Variants in SOAT2 observed in about 807,000 individuals in gnomAD.
The protein encoded by SOAT2 is ACAT-2.
Under a neutral mutation model 76.0 loss-of-function variants are expected in SOAT2, and 87 were observed. The observed-to-expected ratio is 1.14, with a 90% CI of 0.96 to 1.37. The LOEUF (loss-of-function observed/expected upper bound fraction) is 1.37. Ranked by LOEUF, SOAT2 falls within the 40% of genes most tolerant of loss-of-function variation. The pLI, the probability that SOAT2 is intolerant of heterozygous loss-of-function variation, is 0.00. For missense variants in SOAT2, 686 were observed against 682.1 expected, an observed-to-expected ratio of 1.01 and a Z score of -0.06; for synonymous variants, 285 against 275.4, an observed-to-expected ratio of 1.03 and a Z score of -0.34.
chr12:53,106,633 G>A (rs1055386339), intron 5 of SOAT2, among the ~76,000 whole-genome samples: 1 of 152,252 alleles, frequency 6.6e-6, no homozygotes, highest in Non-Finnish European at 1.5e-5. Flanking sequence ...CAGATGAACT[G>A]GGGAGGAAGT....
chr12:53,120,727 G>T, intron 10 of SOAT2, 59 bp from the exon 11 acceptor site: 1 of 1,232,614 alleles, frequency 8.1e-7, no homozygotes, highest in South Asian at 1.2e-5. Context: ...CCAGATCAGG[G>T]CTGCCTGTGG....
intron 7 of SOAT2, among the ~76,000 whole-genome samples, chr12:53,117,194 C>T (rs1938117668): frequency 6.6e-6 from 1 of 151,558 alleles, no homozygotes; most frequent in Non-Finnish European, 1.5e-5. Flanking sequence ...CTCCTGACCT[C>T]CAGTGATCCA....
intron 5 of SOAT2, among the ~76,000 whole-genome samples, chr12:53,113,836 CTT>C (rs1938059707): frequency 6.6e-6 from 1 of 152,156 alleles, no homozygotes; most frequent in African/African-American, 2.4e-5. Context: ...AGTAAGTTTA[CTT>C]AATCTAAATG....
intron 5 of SOAT2, among the ~76,000 whole-genome samples, chr12:53,107,163 C>T (rs11170417): frequency 0.19 from 28,269 of 151,924 alleles, 3,316 homozygotes; most frequent in African/African-American, 0.34. Flanking sequence ...TTTTATCATG[C>T]ATGGATATTT....
In SOAT2 at chr12:53,120,832, G is replaced by A. The variant is rs1592279881; in HGVS notation, c.1086G>A (p.Trp362Ter). Residue 362 changes from tryptophan (W) to a stop codon, truncating the protein, a stop_gained, in exon 11 of 15, where the codon TGG becomes TGA. Coordinates refer to ENST00000301466, the MANE Select transcript of SOAT2 (RefSeq NM_003578.4). LOFTEE classifies it high-confidence loss of function. Reference protein sequence around the residue: ...LLIFFAFLHCWLNAFAEMLRF... With the variant: ...LLIFFAFLHC ...TCTTCTTTGCCTTCCTCCATTGCTG[G>A]CTCAACGCCTTTGCCGAGATGCTAC... is the stretch of plus-strand genomic sequence containing the variant. 6.2e-7 allele frequency: 1 copy of A among 1,614,026 alleles called. No homozygotes were observed. Among genetic ancestry groups the A allele is most frequent in the Non-Finnish European group, 8.5e-7 (1 of 1,179,982 alleles).
intron 5 of SOAT2, among the ~76,000 whole-genome samples, chr12:53,110,840 G>A (rs1014938349): frequency 2.0e-5 from 3 of 151,840 alleles, no homozygotes; most frequent in Non-Finnish European, 4.4e-5. Flanking sequence ...CTTTAAAATT[G>A]TCTTTATTTT....
At chr12:53,111,716 G>A (rs1938014746) in intron 5 of SOAT2, among the ~76,000 whole-genome samples, 1 of 152,090 alleles carries the variant, frequency 6.6e-6, no homozygotes, top group African/African-American at 2.4e-5. Context: ...ATGTATGCTG[G>A]CAACTCTTAA....
chr12:53,118,497 C>A, intron 8 of SOAT2, 63 bp downstream of exon 8: 1 of 1,240,708 alleles, frequency 8.1e-7, no homozygotes, highest in Non-Finnish European at 1.2e-6. Context: ...CTTCTACTCT[C>A]CCCTCCCTGA....
intron 5 of SOAT2, among the ~76,000 whole-genome samples, chr12:53,114,531 G>A (rs970458756): frequency 6.6e-6 from 1 of 151,848 alleles, no homozygotes; most frequent in African/African-American, 2.4e-5. Flanking sequence ...GACCAGTCTG[G>A]CCAATATGGT....
intron 10 of SOAT2, 110 bp from the exon 11 acceptor site, chr12:53,120,676 A>T: frequency 1.4e-6 from 1 of 723,696 alleles, no homozygotes; most frequent in Non-Finnish European, 2.4e-6. Context: ...ATGAATGGTA[A>T]GAGTTGGGGC....
At chr12:53,105,055 A>G in intron 2 of SOAT2, 52 bp from the exon 3 acceptor site, 1 of 1,541,166 alleles carries the variant, frequency 6.5e-7, no homozygotes, top group Non-Finnish European at 8.8e-7. Flanking sequence ...TGGTGAATGA[A>G]AGGATGGCTG....
Position 53,115,610 on chromosome 12 carries a change from C to T in SOAT2, c.664C>T (p.His222Tyr). The T allele has an allele frequency of 5.8e-6, 9 of 1,564,208 alleles. No individual in the cohort carries two copies. Among genetic ancestry groups the T allele is most frequent in the Non-Finnish European group, 7.7e-6 (9 of 1,161,590 alleles). The part of the protein sequence containing the change: ...CALPVHVAVE[H>Y]QLPPASRCVL... Reference sequence around the variant, plus strand: ...GCTGCCGGTCCACGTGGCCGTGGAGCATCAGCTCCCGCCGGCCTCCCGTTG... The same window carrying T: ...GCTGCCGGTCCACGTGGCCGTGGAGTATCAGCTCCCGCCGGCCTCCCGTTG... Residue 222 changes from histidine to tyrosine, a missense_variant, in exon 6 of 15, where the codon CAT becomes TAT. Physicochemically the swap from His to Tyr is moderately conservative, Grantham distance 83. Coordinates refer to ENST00000301466, the MANE Select transcript of SOAT2 (RefSeq NM_003578.4).
At position 53,124,169 on chromosome 12, in the gene SOAT2, C is replaced by A; in HGVS notation, c.*46C>A. On this transcript the variant is annotated 3_prime_UTR_variant, in exon 15 of 15. Coordinates refer to ENST00000301466, the MANE Select transcript of SOAT2 (RefSeq NM_003578.4). ...ACCTGCCCAGACACCACCAAGTTCT[C>A]TGCCTGCAAAACCTGGGACCAGGAC... is the stretch of plus-strand genomic sequence containing the variant. 1 of 1,608,948 alleles carries A rather than the reference C, an allele frequency of 6.2e-7. No homozygotes were observed. The highest frequency in any genetic ancestry group is 8.5e-7 in the Non-Finnish European group (1 of 1,175,428).
Position 53,115,724 on chromosome 12 carries a change from C to T in SOAT2, c.708+70C>T, listed in dbSNP as rs948692900. 12 of 1,433,012 alleles carry T rather than the reference C, an allele frequency of 8.4e-6. No homozygotes were observed. In the African/African-American group the frequency reaches 1.3e-4, roughly 15 times the overall value. The allele number at this position is 1,433,012 out of a possible 1,614,324, so 88.8% of individuals were successfully genotyped here. ...GGGGCCATCTCAGCAGAGGGGGAGT[C>T]CCCCAAAGAGGGGGCGGGGCCCACG... On this transcript the variant is annotated intron_variant, in intron 6 of 14. Coordinates refer to ENST00000301466, the MANE Select transcript of SOAT2 (RefSeq NM_003578.4).
Position 53,105,940 on chromosome 12 carries a change from C to T in SOAT2, c.369C>T (p.Ile123=). The change falls in exon 5 of 15, where the codon ATC becomes ATT. Residue 123 remains isoleucine (I), a synonymous_variant. Transcript: ENST00000301466. ...TGGAGGTGCAGCATTTCCGCACCAT[C>T]TACCACATGTTCATCGCTGGCCTGT... ...ELMEVQHFRT[I]YHMFIAGLCV... 1 of 1,614,130 alleles carries T rather than the reference C, an allele frequency of 6.2e-7. No homozygotes were observed. The highest frequency in any genetic ancestry group is 8.5e-7 in the Non-Finnish European group (1 of 1,179,994).
At chr12:53,118,796 G>A (rs1467555420) in intron 8 of SOAT2, 94 bp from the exon 9 acceptor site, 3 of 1,363,640 alleles carry the variant, frequency 2.2e-6, no homozygotes, top group Non-Finnish European at 2.1e-6. Context: ...GCAATTAAGG[G>A]AACTGAGGAG....
Position 53,123,135 on chromosome 12 carries a change from G to A in SOAT2, c.1291G>A (p.Ala431Thr), listed in dbSNP as rs4244355. 318 of 1,613,908 alleles carry A rather than the reference G, an allele frequency of 2.0e-4. No homozygotes were observed. Among genetic ancestry groups the A allele is most frequent in the Non-Finnish European group, 2.3e-4 (268 of 1,179,958 alleles). ...CATGCTGGGTGTGTTCCTGGTCTCCGCAGTGGCCCATGAGTATATCTTCTG... is the reference window on the plus strand; with the variant it reads ...CATGCTGGGTGTGTTCCTGGTCTCCACAGTGGCCCATGAGTATATCTTCTG... ...VAMLGVFLVS[A>T]VAHEYIFCFV... The change falls in exon 13 of 15, where the codon GCA becomes ACA. Residue 431 changes from alanine (A) to threonine (T), a missense_variant. Transcript: ENST00000301466.
chr12:53,116,116 GC>G lies in SOAT2; in HGVS notation c.729del (p.Tyr244ThrfsTer4). ...VFEQVRFLMK[S>X]YSFLREAVPG... ...CCACAGGTTAGGTTCCTGATGAAAA[GC>G]TACTCCTTCCTGAGAGAGGCTGTGC... On this transcript the variant is annotated frameshift_variant, in exon 7 of 15. Coordinates refer to ENST00000301466, the MANE Select transcript of SOAT2 (RefSeq NM_003578.4). LOFTEE classifies it high-confidence loss of function. The G allele has an allele frequency of 6.2e-7, 1 of 1,614,194 alleles. No homozygotes were observed. Among genetic ancestry groups the G allele is most frequent in the Non-Finnish European group, 8.5e-7 (1 of 1,180,008 alleles).
Position 53,124,219 on chromosome 12 carries a change from C to G in SOAT2, c.*96C>G. 1 of 1,392,248 alleles carries G rather than the reference C, an allele frequency of 7.2e-7. No individual in the cohort carries two copies. The highest frequency in any genetic ancestry group is 1.0e-6 in the Non-Finnish European group (1 of 982,644). The allele number at this position is 1,392,248 out of a possible 1,614,324, so 86.2% of individuals were successfully genotyped here. A position where few individuals can be genotyped will look rare whatever the true frequency, so the allele number is the denominator to read the frequency against. ...CTCCTGTCTGCATTCCCAAATTTGG[C>G]TCTGAGTCGAGGCAACCTGCACACA... On this transcript the variant is annotated 3_prime_UTR_variant, in exon 15 of 15. Coordinates refer to ENST00000301466, the MANE Select transcript of SOAT2 (RefSeq NM_003578.4).
Sources: gnomAD v4.1 joint callset for allele counts (sites outside exome capture counted in the v4.1 genomes callset) on GRCh38, gnomAD v4.1.1 for gene constraint, MANE v1.5 for transcripts, NCBI Gene and HGNC (gene_info 2026-07-23, HGNC 2026-07-21) for gene names.